GRID2: variants seen among roughly 807,000 people sequenced by gnomAD.
GRID2 encodes the protein glutamate receptor ionotropic, delta-2.
A neutral mutation model predicts 114.8 loss-of-function variants in GRID2; 33 were observed. That is an observed-to-expected ratio of 0.29 (90% CI 0.22 to 0.38). The LOEUF (loss-of-function observed/expected upper bound fraction) is 0.38, where lower values mean the gene tolerates loss of function less well. GRID2 is among the 10% of genes least tolerant of loss of function. The probability of loss-of-function intolerance (pLI) is 1.00; values close to 1 mark genes in which losing one functional copy is unlikely to be tolerated. For synonymous variants in GRID2, 505 were observed against 449.9 expected, an observed-to-expected ratio of 1.12 and a Z score of -1.55; for missense variants, 1,184 against 1,257.7, an observed-to-expected ratio of 0.94 and a Z score of 0.89.
chr4:92,460,870 A>G (rs1359040809), intron 1 of GRID2, among the ~76,000 whole-genome samples: 4 of 152,012 alleles, frequency 2.6e-5, no homozygotes, highest in African/African-American at 7.2e-5. Context: ...GGAAAATGCA[A>G]TCTAATTAGG....
At chr4:92,507,415 T>TTGTGTGTGTGTGTGTGTG (rs70940902) in intron 1 of GRID2, among the ~76,000 whole-genome samples, 3 of 149,244 alleles carry the variant, frequency 2.0e-5, no homozygotes, top group African/African-American at 7.4e-5. Context: ...TCGTGTATAA[T>TTGTGTGTGTGTGTGTGTG]TGTGTGTGTG....
chr4:92,542,677 G>A (rs1726034656), intron 1 of GRID2, among the ~76,000 whole-genome samples: 1 of 151,916 alleles, frequency 6.6e-6, no homozygotes, highest in Admixed American at 6.6e-5. Flanking sequence ...ATTGGGTACA[G>A]GGTACACTGC....
At chr4:93,272,069 C>A (rs1751524395) in intron 8 of GRID2, among the ~76,000 whole-genome samples, 1 of 152,112 alleles carries the variant, frequency 6.6e-6, no homozygotes. Context: ...ATCTATAAAT[C>A]TTACCCAAGG....
At chr4:92,489,707 G>T (rs1022808787) in intron 1 of GRID2, among the ~76,000 whole-genome samples, 3 of 151,960 alleles carry the variant, frequency 2.0e-5, no homozygotes, top group African/African-American at 7.2e-5. Flanking sequence ...CTAGCAAGCG[G>T]TGGTGGTGCG....
At chr4:92,399,543 C>G (rs556184622) in intron 1 of GRID2, among the ~76,000 whole-genome samples, 1 of 152,022 alleles carries the variant, frequency 6.6e-6, no homozygotes, top group South Asian at 2.1e-4. Flanking sequence ...TTTGTGATCT[C>G]TTAATTTAGT....
intron 13 of GRID2, among the ~76,000 whole-genome samples, chr4:93,568,884 C>A (rs1735679656): frequency 6.6e-6 from 1 of 152,116 alleles, no homozygotes; most frequent in South Asian, 2.1e-4. Context: ...GTATTGTGGC[C>A]AAACCCCCTG....
downstream of GRID2, among the ~76,000 whole-genome samples, chr4:93,778,044 A>G (rs1436401862): frequency 6.6e-6 from 1 of 152,212 alleles, no homozygotes; most frequent in Non-Finnish European, 1.5e-5. Context: ...TACAGCTTGC[A>G]TATTCGCTAC....
intron 2 of GRID2, among the ~76,000 whole-genome samples, chr4:92,704,141 C>T (rs1437538852): frequency 2.0e-5 from 3 of 152,098 alleles, no homozygotes; most frequent in Non-Finnish European, 4.4e-5. Flanking sequence ...AGCTGGGCGT[C>T]GCGGCGGGCG....
At chr4:92,730,623 G>A (rs994435025) in intron 2 of GRID2, among the ~76,000 whole-genome samples, 26 of 152,050 alleles carry the variant, frequency 1.7e-4, no homozygotes, top group African/African-American at 6.0e-4. Context: ...GCATCTAGAA[G>A]AGATGTCAGG....
At chr4:93,271,427 C>G (rs1243691476) in intron 8 of GRID2, among the ~76,000 whole-genome samples, 1 of 152,062 alleles carries the variant, frequency 6.6e-6, no homozygotes, top group Non-Finnish European at 1.5e-5. Flanking sequence ...CTGAGGGAGC[C>G]AGCAATCCCG....
At chr4:93,757,466 C>A (rs544235669) in intron 14 of GRID2, among the ~76,000 whole-genome samples, 1 of 152,210 alleles carries the variant, frequency 6.6e-6, no homozygotes, top group Non-Finnish European at 1.5e-5. Context: ...CCTAATTTCT[C>A]ATCTAAGACA....
chr4:93,550,927 C>T (rs1056158399), intron 13 of GRID2, among the ~76,000 whole-genome samples: 10 of 152,102 alleles, frequency 6.6e-5, no homozygotes, highest in African/African-American at 2.4e-4. Context: ...CAGTGAGGCA[C>T]TATAGAATAA....
chr4:92,785,377 A>G, intron 2 of GRID2, among the ~76,000 whole-genome samples: 1 of 151,198 alleles, frequency 6.6e-6, no homozygotes, highest in South Asian at 2.1e-4. Flanking sequence ...CTAGCTTTTA[A>G]TTTTTTAAAT....
intron 12 of GRID2, among the ~76,000 whole-genome samples, chr4:93,494,146 T>C (rs2149464243): frequency 6.6e-6 from 1 of 151,982 alleles, no homozygotes; most frequent in South Asian, 2.1e-4. Context: ...AGACAAACTT[T>C]TTTTCAAAGT....
chr4:92,493,228 T>TA (rs1379469601), intron 1 of GRID2, among the ~76,000 whole-genome samples: 1 of 151,980 alleles, frequency 6.6e-6, no homozygotes, highest in African/African-American at 2.4e-5. Context: ...GTCACTCTCC[T>TA]AAAAGAGGGC....
rs1401955819 is a variant in GRID2, at chr4:93,772,965, G to A, written c.*467G>A. On this transcript the variant is annotated 3_prime_UTR_variant, in exon 16 of 16. Transcript: ENST00000282020. ...CACTGCTGTTGAGTGTCCTTTAACT[G>A]TGGACCAAAGGCAACCCCTGCAGTG... is the stretch of plus-strand genomic sequence containing the variant. 6.5e-6 allele frequency: 1 copy of A among 153,372 alleles called. No individual in the cohort carries two copies. Among genetic ancestry groups the A allele is most frequent in the Admixed American group, 6.5e-5 (1 of 15,346 alleles). 9.5% of individuals were successfully genotyped at this position (153,372 alleles called of 1,614,324 possible).
At chr4:93,381,545 A>T (rs533485344) in intron 8 of GRID2, among the ~76,000 whole-genome samples, 1 of 152,150 alleles carries the variant, frequency 6.6e-6, no homozygotes, top group African/African-American at 2.4e-5. Flanking sequence ...TGAAATGTTT[A>T]TGTATCTATG....
chr4:93,376,026 C>T (rs1361543780), intron 8 of GRID2, among the ~76,000 whole-genome samples: 2 of 152,060 alleles, frequency 1.3e-5, no homozygotes, highest in Admixed American at 6.6e-5. Context: ...TCTTTGCACC[C>T]GATGGCTCTC....
At chr4:92,854,913 A>G (rs182012149) in intron 2 of GRID2, among the ~76,000 whole-genome samples, 68 of 152,152 alleles carry the variant, frequency 4.5e-4, no homozygotes, top group Non-Finnish European at 7.1e-4. Context: ...TCTTACTTCA[A>G]AATATCCATT....
Sources: allele counts gnomAD v4.1 joint callset (sites outside exome capture counted in the v4.1 genomes callset), GRCh38; gene constraint gnomAD v4.1.1; transcripts MANE v1.5; gene names NCBI Gene and HGNC (gene_info 2026-07-23, HGNC 2026-07-21).